Variants in IL7 observed in about 807,000 individuals in gnomAD.
IL7 encodes the protein interleukin-7.
IL7 carries 3 observed loss-of-function variants against 21.6 expected under a neutral mutation model. The ratio of observed to expected loss-of-function variants is 0.14; its 90% CI spans 0.06 to 0.36. IL7 has a LOEUF of 0.36. Among genes scored for constraint, IL7 ranks in the 10% least tolerant of loss-of-function variants. IL7 has a pLI of 1.00. For missense variants in IL7, 175 were observed against 200.2 expected, an observed-to-expected ratio of 0.87 and a Z score of 0.76; for synonymous variants, 62 against 68.1, an observed-to-expected ratio of 0.91 and a Z score of 0.44.
chr8:78,802,329 T>C (rs757238913), intron 1 of IL7, among the ~76,000 whole-genome samples: 7 of 152,174 alleles, frequency 4.6e-5, no homozygotes, highest in Non-Finnish European at 7.3e-5. Context: ...CATAACCACT[T>C]CATGAAGAAG....
chr8:78,768,849 C>T (rs1812849781), intron 2 of IL7, among the ~76,000 whole-genome samples: 2 of 152,110 alleles, frequency 1.3e-5, no homozygotes, highest in Non-Finnish European at 2.9e-5. Flanking sequence ...ATCAAGTGGG[C>T]TTCATCCCTG....
At chr8:78,747,370 A>G (rs1812016188) in intron 2 of IL7, among the ~76,000 whole-genome samples, 1 of 151,906 alleles carries the variant, frequency 6.6e-6, no homozygotes, top group African/African-American at 2.4e-5. Context: ...TTTTTAGTAG[A>G]CACTGGGTTT....
intron 2 of IL7, among the ~76,000 whole-genome samples, chr8:78,771,954 C>T (rs1278204474): frequency 6.6e-6 from 1 of 152,030 alleles, no homozygotes; most frequent in African/African-American, 2.4e-5. Flanking sequence ...ATTTCTAGCC[C>T]CAAAGAGGAG....
intron 2 of IL7, among the ~76,000 whole-genome samples, chr8:78,769,801 T>A (rs1353916709): frequency 6.6e-6 from 1 of 152,002 alleles, no homozygotes; most frequent in Non-Finnish European, 1.5e-5. Context: ...AAGGCTACAG[T>A]AACCAAAACA....
intron 3 of IL7, chr8:78,697,403 T>G: frequency 6.3e-7 from 1 of 1,582,208 alleles, no homozygotes; most frequent in Non-Finnish European, 8.6e-7. Context: ...TTCCATTATT[T>G]TAGTATAAGC....
At chr8:78,685,667 G>T (rs921996223) in intron 4 of IL7, among the ~76,000 whole-genome samples, 10 of 152,148 alleles carry the variant, frequency 6.6e-5, no homozygotes, top group Non-Finnish European at 1.5e-4. Flanking sequence ...ATTTAAAAAG[G>T]TGCTCAGTCT....
At chr8:78,719,726 C>G (rs1811203719) in intron 5 of IL7, 1 of 151,626 alleles carries the variant, frequency 6.6e-6, no homozygotes, top group Non-Finnish European at 1.5e-5. Context: ...ATAATGTCTT[C>G]ATATTTGAAC....
intron 2 of IL7, among the ~76,000 whole-genome samples, chr8:78,745,028 T>C (rs2919917): frequency 0.34 from 51,224 of 152,092 alleles, 9,988 homozygotes; most frequent in African/African-American, 0.53. Flanking sequence ...GATGTTTCAG[T>C]GGAAGGTGCT....
intron 4 of IL7, among the ~76,000 whole-genome samples, chr8:78,680,600 G>A (rs1359748960): frequency 6.6e-6 from 1 of 152,162 alleles, no homozygotes; most frequent in Non-Finnish European, 1.5e-5. Context: ...CATAAGCAGA[G>A]TGGGGCAAAG....
intron 2 of IL7, among the ~76,000 whole-genome samples, chr8:78,756,389 T>C (rs974257074): frequency 2.0e-5 from 3 of 151,938 alleles, no homozygotes; most frequent in Non-Finnish European, 4.4e-5. Context: ...TTGAGAAGAA[T>C]TGGCATTTGT....
At chr8:78,756,595 T>C (rs907062847) in intron 2 of IL7, among the ~76,000 whole-genome samples, 17 of 151,942 alleles carry the variant, frequency 1.1e-4, no homozygotes, top group Admixed American at 1.1e-3. Flanking sequence ...TTTTCCAATT[T>C]GTTAGTGTAT....
chr8:78,783,928 T>G (rs766416291), intron 2 of IL7, among the ~76,000 whole-genome samples: 7 of 152,150 alleles, frequency 4.6e-5, no homozygotes, highest in Non-Finnish European at 7.3e-5. Context: ...CACCACCTGG[T>G]TAAGCAAAAA....
At chr8:78,675,699 A>G, downstream of IL7, 3 of 1,202,608 alleles carry the variant, frequency 2.5e-6, no homozygotes, top group Non-Finnish European at 2.3e-6. Context: ...CTGATAATTT[A>G]CCTATAAAAC....
downstream of IL7, among the ~76,000 whole-genome samples, chr8:78,732,149 C>T (rs1171418237): frequency 6.6e-6 from 1 of 151,984 alleles, no homozygotes; most frequent in Non-Finnish European, 1.5e-5. Flanking sequence ...TTAGAAAAGT[C>T]CATCTGAAGA....
At chr8:78,751,540 A>G (rs996883350) in intron 2 of IL7, among the ~76,000 whole-genome samples, 2 of 152,218 alleles carry the variant, frequency 1.3e-5, no homozygotes, top group African/African-American at 4.8e-5. Context: ...AGTTAGAAAC[A>G]TGGATCTAAA....
intron 2 of IL7, among the ~76,000 whole-genome samples, chr8:78,755,785 A>G (rs2130747038): frequency 6.6e-6 from 1 of 152,090 alleles, no homozygotes; most frequent in South Asian, 2.1e-4. Context: ...AAGAGGGACA[A>G]TTGACTTCTT....
At chr8:78,796,688 TTGAAA>T in intron 2 of IL7, among the ~76,000 whole-genome samples, 1 of 152,054 alleles carries the variant, frequency 6.6e-6, no homozygotes, top group Non-Finnish European at 1.5e-5. Flanking sequence ...GAATGGAAAA[TTGAAA>T]CAACACTGAG....
intron 2 of IL7, among the ~76,000 whole-genome samples, chr8:78,776,616 G>A (rs1252913131): frequency 6.6e-6 from 1 of 152,060 alleles, no homozygotes; most frequent in Non-Finnish European, 1.5e-5. Flanking sequence ...GAAATTTAGA[G>A]AGCATTGTTG....
At chr8:78,738,751 C>T in intron 3 of IL7, 116 bp from the exon 4 acceptor site, 1 of 825,208 alleles carries the variant, frequency 1.2e-6, no homozygotes, top group East Asian at 2.7e-5. Context: ...CCGCCTCCAC[C>T]CCAGCTTTCT....
Sources: gnomAD v4.1 joint callset for allele counts (sites outside exome capture counted in the v4.1 genomes callset) on GRCh38, gnomAD v4.1.1 for gene constraint, MANE v1.5 for transcripts, NCBI Gene and HGNC (gene_info 2026-07-23, HGNC 2026-07-21) for gene names.